Variants in NOTCH4 observed in about 807,000 individuals in gnomAD.
NOTCH4 encodes the protein notch receptor 4.
NOTCH4 carries 138 observed loss-of-function variants against 189.0 expected under a neutral mutation model. The observed-to-expected ratio is 0.73, with a 90% CI of 0.64 to 0.84. The LOEUF is 0.84. NOTCH4 is among the 40% of genes least tolerant of loss of function. The pLI is 0.00. For missense variants in NOTCH4, 2,286 were observed against 2,605.4 expected (o/e 0.88, Z 2.67); for synonymous variants, 942 against 1,032.8 (o/e 0.91, Z 1.69).
At chr6:32,223,803 A>C in intron 1 of NOTCH4, 53 bp downstream of exon 1, 1 of 1,567,410 alleles carries the variant, frequency 6.4e-7, no homozygotes, top group Non-Finnish European at 8.7e-7. Context: ...CACCCCACTG[A>C]TCATCCTCCT....
In NOTCH4 at chr6:32,210,927, A is replaced by G; in HGVS notation, c.2690T>C (p.Val897Ala). 1 of 1,595,660 alleles carries G rather than the reference A, an allele frequency of 6.3e-7. No individual in the cohort carries two copies. The highest frequency in any genetic ancestry group is 1.7e-4 in the Middle Eastern group (1 of 5,960). The change falls in exon 18 of 30, where the codon GTC becomes GCC. Residue 897 changes from valine to alanine, a missense_variant. Physicochemically the swap from Val to Ala is moderately conservative, Grantham distance 64. This residue lies in a region of NOTCH4 where 1,903 missense variants were observed against 2,261.9 expected (regional missense o/e 0.84). Transcript: ENST00000375023. The surrounding 1 kb of genome is among the most constrained non-coding windows in gnomAD (Gnocchi z 4.8). ...GCCTCCATTGTGGCAAAGGGAAGAGACGTCTATGCCTGGGGAGAGAGACAA... is the reference window on the plus strand; with the variant it reads ...GCCTCCATTGTGGCAAAGGGAAGAGGCGTCTATGCCTGGGGAGAGAGACAA... ...QKAALSQGID[V>A]SSLCHNGGLC... is the part of the protein sequence containing the mutation.
Position 32,200,811 on chromosome 6 carries a change from A to T in NOTCH4, c.4315+20T>A. On this transcript the variant is annotated intron_variant, in intron 23 of 29. Coordinates refer to ENST00000375023, the MANE Select transcript of NOTCH4 (RefSeq NM_004557.4). This position sits in a 1 kb window ranked among gnomAD's most constrained non-coding sequence, Gnocchi z 5.0. ...TGGCCTGGGAACAGAGGTCAGAGAA[A>T]GTGGCAAGGGGTCACCTACCGGTCC... 6.3e-7 allele frequency: 1 copy of T among 1,577,548 alleles called. No individual in the cohort carries two copies. Among genetic ancestry groups the T allele is most frequent in the South Asian group, 1.2e-5 (1 of 86,176 alleles).
Position 32,195,631 on chromosome 6 carries a change from G to A in NOTCH4, c.5818C>T (p.Arg1940Cys), listed in dbSNP as rs764021089. The stretch of plus-strand genomic sequence containing the variant: ...TCATCCGTTGAGACCCTGCCTCCGC[G>A]CCCGGCAGCCACTCCGTATCTTCCT... ...MRGRYGVAAG[R>C]GGRVSTDDWP... Residue 1940 changes from arginine (R) to cysteine (C), a missense_variant, in exon 30 of 30, where the codon CGC becomes TGC. Arg to Cys is a radical substitution (Grantham distance 180). Transcript: ENST00000375023. The surrounding 1 kb of genome is among the most constrained non-coding windows in gnomAD (Gnocchi z 5.4). 2 of 1,612,928 alleles carry A rather than the reference G, an allele frequency of 1.2e-6. No individual in the cohort carries two copies. Among genetic ancestry groups the A allele is most frequent in the East Asian group, 4.5e-5 (2 of 44,880 alleles).
At position 32,220,984 on chromosome 6, in the gene NOTCH4, G is replaced by T. The variant is rs764321842; in HGVS notation, c.793C>A (p.Pro265Thr). 1 of 1,600,926 alleles carries T rather than the reference G, an allele frequency of 6.2e-7. No homozygotes were observed. The highest frequency in any genetic ancestry group is 8.5e-7 in the Non-Finnish European group (1 of 1,172,184). ...AGCCCCTGTGAGGACACACCTGGGG[G>T]ACAGAGGCAGAGGTGAAAGGTGGAG... ...KDSTFHLCLC[P>T]PGFIGPDCEV... The change falls in exon 4 of 30, where the codon CCC (proline) becomes ACC (threonine). Residue 265 changes from proline to threonine, a missense_variant. Transcript: ENST00000375023.
Position 32,201,042 on chromosome 6 carries a change from T to C in NOTCH4, c.4140-36A>G. On this transcript the variant is annotated intron_variant, in intron 22 of 29. Transcript: ENST00000375023. The surrounding 1 kb of genome is among the most constrained non-coding windows in gnomAD (Gnocchi z 5.5). ...GGCACCTCAGAGACCTCTGTATTGGTCCCTGGCTCCCTTTCCTCCCTCTGC... is the reference window on the plus strand; with the variant it reads ...GGCACCTCAGAGACCTCTGTATTGGCCCCTGGCTCCCTTTCCTCCCTCTGC... The C allele has an allele frequency of 6.4e-7, 1 of 1,560,146 alleles. No individual in the cohort carries two copies. Among genetic ancestry groups the C allele is most frequent in the Non-Finnish European group, 8.7e-7 (1 of 1,154,090 alleles).
chr6:32,195,512 T>C lies in NOTCH4; in HGVS notation c.5937A>G (p.Gly1979=), dbSNP rs1229987861. 1 of 1,613,016 alleles carries C rather than the reference T, an allele frequency of 6.2e-7. No homozygotes were observed. The highest frequency in any genetic ancestry group is 1.1e-5 in the South Asian group (1 of 91,072). The change falls in exon 30 of 30, where the codon GGA becomes GGG. Residue 1979 remains glycine, a synonymous_variant. Transcript: ENST00000375023. This position sits in a 1 kb window ranked among gnomAD's most constrained non-coding sequence, Gnocchi z 5.4. The part of the protein sequence containing the change: ...PPCLTPSPER[G]SPQLDCGPPA... ...GGGGACCACAGTCAAGTTGAGGTGATCCCCGCTCCGGGGACGGAGTAAGGC... is the reference window on the plus strand; with the variant it reads ...GGGGACCACAGTCAAGTTGAGGTGACCCCCGCTCCGGGGACGGAGTAAGGC...
intron 18 of NOTCH4, among the ~76,000 whole-genome samples, chr6:32,209,752 G>A (rs779418717): frequency 9.2e-5 from 14 of 152,010 alleles, no homozygotes; most frequent in Non-Finnish European, 1.3e-4. Context: ...GCGTGGTGGC[G>A]CGTTCCTGTA....
At position 32,201,476 on chromosome 6, in the gene NOTCH4, ATGG is replaced by A; in HGVS notation, c.3777_3779del (p.His1260del). ...CACAGTGCCCGTTGTGGAAGTGATC[ATGG>A]CAGTACTGGTCATAGGCTGGACTGT... On this transcript the variant is annotated inframe_deletion, in exon 22 of 30. Coordinates refer to ENST00000375023, the MANE Select transcript of NOTCH4 (RefSeq NM_004557.4). The surrounding 1 kb of genome is among the most constrained non-coding windows in gnomAD (Gnocchi z 5.5). The A allele has an allele frequency of 6.6e-7, 1 of 1,516,190 alleles. No homozygotes were observed. Among genetic ancestry groups the A allele is most frequent in the South Asian group, 1.3e-5 (1 of 75,090 alleles). 93.9% of individuals were successfully genotyped at this position (1,516,190 alleles called of 1,614,324 possible).
At position 32,217,175 on chromosome 6, in the gene NOTCH4, G is replaced by T. The variant is rs1040256180; in HGVS notation, c.1716C>A (p.Ala572=). The change falls in exon 10 of 30, where the codon GCC becomes GCA. Residue 572 remains alanine, a synonymous_variant. Transcript: ENST00000375023. The surrounding 1 kb of genome is among the most constrained non-coding windows in gnomAD (Gnocchi z 4.2). The part of the protein sequence containing the change: ...NGGQCQDQPG[A]FHCKCLPGFE... ...TACCTGGGAGACACTTGCAGTGGAA[G>T]GCTCCAGGCTGGTCCTGGCACTGCC... The T allele has an allele frequency of 6.2e-7, 1 of 1,613,020 alleles. No individual in the cohort carries two copies. Among genetic ancestry groups the T allele is most frequent in the East Asian group, 2.2e-5 (1 of 44,884 alleles).
In NOTCH4 at chr6:32,217,079, C is replaced by T. The variant is rs1414699576; in HGVS notation, c.1739-12G>A. The T allele has an allele frequency of 2.5e-6, 4 of 1,613,076 alleles. No homozygotes were observed. The highest frequency in any genetic ancestry group is 3.4e-6 in the Non-Finnish European group (4 of 1,180,010). The stretch of plus-strand genomic sequence containing the variant: ...TGGCCCTTCAAAGCCTGTGGCACAG[C>T]AGGAAGGTCAGGGACCTGCACGGAT... On this transcript the variant is annotated splice_polypyrimidine_tract_variant and intron_variant, in intron 10 of 29. Coordinates refer to ENST00000375023, the MANE Select transcript of NOTCH4 (RefSeq NM_004557.4). This position sits in a 1 kb window ranked among gnomAD's most constrained non-coding sequence, Gnocchi z 4.2.
At chr6:32,216,277 C>T (rs922656356) in intron 11 of NOTCH4, 2 of 153,106 alleles carry the variant, frequency 1.3e-5, no homozygotes, top group South Asian at 2.1e-4. Context: ...CCACCCGCCT[C>T]GGCCTCCCAA....
chr6:32,212,778 C>T lies in NOTCH4; in HGVS notation c.2526+46G>A. The T allele has an allele frequency of 6.8e-7, 1 of 1,475,614 alleles. No individual in the cohort carries two copies. The highest frequency in any genetic ancestry group is 1.4e-5 in the South Asian group (1 of 73,624). 91.4% of individuals were successfully genotyped at this position (1,475,614 alleles called of 1,614,324 possible). ...CCAGGTGACCCTCCCTGGTTTCCCT[C>T]CCAGCCACTTCCCTCCTCAGCACGC... On this transcript the variant is annotated intron_variant, in intron 16 of 29. Coordinates refer to ENST00000375023, the MANE Select transcript of NOTCH4 (RefSeq NM_004557.4). This position sits in a 1 kb window ranked among gnomAD's most constrained non-coding sequence, Gnocchi z 4.4.
intron 15 of NOTCH4, 82 bp downstream of exon 15, chr6:32,213,053 C>T (rs1789129806): frequency 7.7e-7 from 1 of 1,299,004 alleles, no homozygotes; most frequent in Non-Finnish European, 1.1e-6. Context: ...GGGAGGCAGC[C>T]TGGAACCCAG....
intron 7 of NOTCH4, 100 bp from the exon 8 acceptor site, chr6:32,219,886 G>T: frequency 9.7e-7 from 1 of 1,028,430 alleles, no homozygotes; most frequent in Non-Finnish European, 1.4e-6. Context: ...TGTGGCAGAC[G>T]AGACCAAATT....
chr6:32,220,715 T>C, intron 5 of NOTCH4, 41 bp downstream of exon 5: 1 of 1,613,182 alleles, frequency 6.2e-7, no homozygotes, highest in South Asian at 1.1e-5. Context: ...GGGCCAACTC[T>C]CTGGGCCATG....
Position 32,220,230 on chromosome 6 carries a change from G to C in NOTCH4, c.1214C>G (p.Ala405Gly), listed in dbSNP as rs1227961128. 1 of 1,613,806 alleles carries C rather than the reference G, an allele frequency of 6.2e-7. No individual in the cohort carries two copies. Among genetic ancestry groups the C allele is most frequent in the Non-Finnish European group, 8.5e-7 (1 of 1,179,892 alleles). ...MCLSQPCHGD[A>G]QCSTNPLTGS... ...TGTGAGGGGGTTGGTGCTGCATTGG[G>C]CATCCCCATGGCACGGCTGGCTCAG... Residue 405 changes from alanine to glycine, a missense_variant, in exon 7 of 30, where the codon GCC becomes GGC. Ala to Gly is a moderately conservative substitution (Grantham distance 60, BLOSUM62 0). Around this residue, in one of 2 missense-constraint regions of NOTCH4, gnomAD observed 1,903 missense variants for 2,261.9 expected, o/e 0.84. Transcript: ENST00000375023.
chr6:32,222,984 A>T, intron 2 of NOTCH4, 21 bp downstream of exon 2: 2 of 1,575,704 alleles, frequency 1.3e-6, no homozygotes, highest in Non-Finnish European at 1.7e-6. Context: ...CCAGTCTCCC[A>T]CTCCTGCAAG....
chr6:32,206,291 G>A (rs1204086578), intron 18 of NOTCH4, among the ~76,000 whole-genome samples: 1 of 152,020 alleles, frequency 6.6e-6, no homozygotes, highest in Non-Finnish European at 1.5e-5. Context: ...GTTCACAGAT[G>A]ACATAATCCT....
chr6:32,196,193 C>T, intron 29 of NOTCH4, 43 bp from the exon 30 acceptor site: 5 of 1,596,712 alleles, frequency 3.1e-6, no homozygotes, highest in Non-Finnish European at 4.3e-6. Context: ...AGGCCACGCC[C>T]ACAGGACTGG....
Sources: gnomAD v4.1 joint callset for allele counts (sites outside exome capture counted in the v4.1 genomes callset) on GRCh38, gnomAD v4.1.1 for gene constraint, gnomAD v4.1.1 regional missense constraint, Gnocchi (gnomAD v3.1) non-coding constraint, MANE v1.5 for transcripts, NCBI Gene and HGNC (gene_info 2026-07-23, HGNC 2026-07-21) for gene names.